The following RYR2 variants were observed in gnomAD, a reference collection of about 807,000 sequenced individuals.
RYR2 encodes cardiac muscle ryanodine receptor-calcium release channel.
A neutral mutation model predicts 601.1 loss-of-function variants in RYR2; 227 were observed. That is an observed-to-expected ratio of 0.38 (90% CI 0.34 to 0.42). The LOEUF (loss-of-function observed/expected upper bound fraction) is 0.42, where lower values mean the gene tolerates loss of function less well. Among genes scored for constraint, RYR2 ranks in the 10% least tolerant of loss-of-function variants. The probability of loss-of-function intolerance (pLI) is 1.00; values close to 1 mark genes in which losing one functional copy is unlikely to be tolerated. For missense variants in RYR2, 4,646 were observed against 6,156.5 expected (o/e 0.75, Z 8.21); for synonymous variants, 2,223 against 2,175.1 (o/e 1.02, Z -0.61).
rs386370106 is a variant in RYR2, at chr1:237,262,245, G to GTTTTTTTTTTTTTTTTTTTTT, written c.49-8245_49-8225dup. ...AAATATTAGATCTCTGTTCTAAAGA[G>GTTTTTTTTTTTTTTTTTTTTT]TTTTTTTTTTTTTTTTTTTTTTTTT... is the stretch of plus-strand genomic sequence containing the variant. On this transcript the variant is annotated intron_variant, in intron 1 of 104. Coordinates refer to ENST00000366574, the MANE Select transcript of RYR2 (RefSeq NM_001035.3). 1.3e-4 allele frequency among the ~76,000 whole-genome samples: 8 copies of GTTTTTTTTTTTTTTTTTTTTT among 61,102 alleles called. 1 individual carries two copies. In the East Asian group the frequency reaches 3.1e-3, roughly 24 times the overall value. 40.1% of individuals were successfully genotyped at this position (61,102 alleles called of 152,430 possible).
At chr1:237,179,598 T>C (rs1185487977) in intron 1 of RYR2, among the ~76,000 whole-genome samples, 2 of 152,150 alleles carry the variant, frequency 1.3e-5, no homozygotes, top group East Asian at 3.9e-4. Context: ...ATCTCTGAGA[T>C]GGAATTCTTC....
intron 29 of RYR2, among the ~76,000 whole-genome samples, chr1:237,575,244 A>G (rs973834875): frequency 1.3e-5 from 2 of 152,184 alleles, no homozygotes; most frequent in Non-Finnish European, 2.9e-5. Flanking sequence ...CTTAGTTGAC[A>G]CTTCAGCTTT....
chr1:237,442,467 G>A (rs1196551029), intron 13 of RYR2, among the ~76,000 whole-genome samples: 2 of 152,100 alleles, frequency 1.3e-5, no homozygotes, highest in Non-Finnish European at 1.5e-5. Context: ...CTGTGTGTGT[G>A]TATGCAGTCA....
chr1:237,596,961 TGAATTCACCA>T (rs1439041198), intron 34 of RYR2, among the ~76,000 whole-genome samples: 5 of 152,184 alleles, frequency 3.3e-5, no homozygotes, highest in African/African-American at 1.2e-4. Flanking sequence ...AAAAGCAGAA[TGAATTCACCA>T]CCTCTGGACC....
intron 10 of RYR2, among the ~76,000 whole-genome samples, chr1:237,389,112 A>G (rs1702171925): frequency 2.0e-5 from 3 of 152,168 alleles, no homozygotes; most frequent in Admixed American, 2.0e-4. Context: ...TCCCCTGGAA[A>G]CATTCCGTAA....
chr1:237,071,909 G>A (rs1232375789), intron 1 of RYR2, among the ~76,000 whole-genome samples: 1 of 152,248 alleles, frequency 6.6e-6, no homozygotes, highest in Non-Finnish European at 1.5e-5. Context: ...TGTTATCGCT[G>A]CCTTGAGCGT....
intron 1 of RYR2, among the ~76,000 whole-genome samples, chr1:237,082,528 T>TATATATATATATATATATATATAC (rs1665833948): frequency 1.0e-5 from 1 of 96,348 alleles, no homozygotes; most frequent in Admixed American, 1.0e-4. Flanking sequence ...GGAAAACATA[T>TATATATATATATATATATATATAC]ATATATATAT....
chr1:237,181,235 C>T (rs1030480645), intron 1 of RYR2, among the ~76,000 whole-genome samples: 9 of 152,228 alleles, frequency 5.9e-5, no homozygotes, highest in South Asian at 4.1e-4. Flanking sequence ...CCGCCCTCCT[C>T]GGCTTCCCAA....
Position 237,308,026 on chromosome 1 carries a change from G to A in RYR2, c.169-22852G>A, listed in dbSNP as rs965603272. On this transcript the variant is annotated intron_variant, in intron 2 of 104. Transcript: ENST00000366574. ...TTGCTGAGACTCCATCTTGACTGAG[G>A]GCTAGGAAAATGAGGCCGGAACTTG... Among the ~76,000 whole-genome samples the A allele has an allele frequency of 9.6e-4, 146 of 152,012 alleles. 2 individuals carry two copies. Among genetic ancestry groups the A allele is most frequent in the Non-Finnish European group, 2.4e-4 (16 of 67,974 alleles).
intron 1 of RYR2, among the ~76,000 whole-genome samples, chr1:237,255,595 A>G (rs1687873805): frequency 6.6e-6 from 1 of 152,192 alleles, no homozygotes; most frequent in Non-Finnish European, 1.5e-5. Flanking sequence ...GTTTGCCATC[A>G]CTACATATTA....
chr1:237,284,321 A>C (rs1404850967), intron 2 of RYR2, among the ~76,000 whole-genome samples: 2 of 150,602 alleles, frequency 1.3e-5, no homozygotes, highest in African/African-American at 4.9e-5. Context: ...CGGACGTTGC[A>C]GTGAGTCGAG....
chr1:237,792,392 T>TGC (rs1658538108), intron 94 of RYR2, 69 bp downstream of exon 94: 8 of 770,498 alleles, frequency 1.0e-5, no homozygotes, highest in East Asian at 8.5e-5. Flanking sequence ...CGTGTGTGTG[T>TGC]GTGTGCGTGT....
intron 1 of RYR2, among the ~76,000 whole-genome samples, chr1:237,210,793 T>G (rs1682486555): frequency 6.6e-6 from 1 of 152,176 alleles, no homozygotes; most frequent in African/African-American, 2.4e-5. Flanking sequence ...TAGGCTTAGA[T>G]TCCTAGGGAA....
chr1:237,079,803 A>T (rs1361156807), intron 1 of RYR2, among the ~76,000 whole-genome samples: 1 of 140,778 alleles, frequency 7.1e-6, no homozygotes, highest in African/African-American at 3.2e-5. Context: ...GGAACCAAAA[A>T]AGAGCCCGCA....
At chr1:237,536,885 C>CAAAAAAAAAAAA (rs540538447) in intron 25 of RYR2, among the ~76,000 whole-genome samples, 1 of 139,528 alleles carries the variant, frequency 7.2e-6, no homozygotes, top group African/African-American at 2.7e-5. Context: ...GACTCCATCT[C>CAAAAAAAAAAAA]AAAAAAAAAA....
chr1:237,307,297 C>T (rs1693974243), intron 2 of RYR2, among the ~76,000 whole-genome samples: 1 of 152,264 alleles, frequency 6.6e-6, no homozygotes, highest in Admixed American at 6.5e-5. Flanking sequence ...TGCTGAGTAG[C>T]AGAACCAGGA....
rs1043835179 is a variant in RYR2, at chr1:237,154,724, G to C, written c.48+112155G>C. 2.6e-5 allele frequency among the ~76,000 whole-genome samples: 4 copies of C among 152,054 alleles called. No homozygotes were observed. In the East Asian group the frequency reaches 5.8e-4, roughly 22 times the overall value. On this transcript the variant is annotated intron_variant, in intron 1 of 104. Transcript: ENST00000366574. ...TTGGACCTCCGTCCTATCCCTAGAG[G>C]GACATTTTATAGACTTCATTATATA...
Position 237,610,751 on chromosome 1 carries a change from C to A in RYR2, c.4684-11C>A. The A allele has an allele frequency of 6.3e-7, 1 of 1,582,378 alleles. No individual in the cohort carries two copies. Among genetic ancestry groups the A allele is most frequent in the South Asian group, 1.1e-5 (1 of 87,300 alleles). ...CTACATTTATTCTTTTTCTGCCTCC[C>A]CATCCGCTAGAATGTGATGCCTCTC... On this transcript the variant is annotated splice_polypyrimidine_tract_variant and intron_variant, in intron 35 of 104. Transcript: ENST00000366574. This position sits in a 1 kb window ranked among gnomAD's most constrained non-coding sequence, Gnocchi z 4.9.
Position 237,756,279 on chromosome 1 carries a change from T to C in RYR2, c.11146-9T>C. Reference sequence around the variant, plus strand: ...ACCCTCAACATAAATGGTTGGGATTTGTGTTCAGGAAAAAGAAATGGAAAA... The same window carrying C: ...ACCCTCAACATAAATGGTTGGGATTCGTGTTCAGGAAAAAGAAATGGAAAA... On this transcript the variant is annotated splice_polypyrimidine_tract_variant and intron_variant, in intron 80 of 104. Transcript: ENST00000366574. The C allele has an allele frequency of 6.3e-7, 1 of 1,595,014 alleles. No individual in the cohort carries two copies. Among genetic ancestry groups the C allele is most frequent in the Non-Finnish European group, 8.6e-7 (1 of 1,162,858 alleles).
Sources: gnomAD v4.1 joint callset for allele counts (sites outside exome capture counted in the v4.1 genomes callset) on GRCh38, gnomAD v4.1.1 for gene constraint, Gnocchi (gnomAD v3.1) non-coding constraint, MANE v1.5 for transcripts, NCBI Gene and HGNC (gene_info 2026-07-23, HGNC 2026-07-21) for gene names.